ASXL1: variants seen among roughly 807,000 people sequenced by gnomAD.
The protein encoded by ASXL1 is polycomb group protein ASXL1.
ASXL1 carries 65 observed loss-of-function variants against 89.1 expected under a neutral mutation model. The observed-to-expected ratio is 0.73, with a 90% confidence interval of 0.60 to 0.90. The LOEUF is 0.90. Ranked by LOEUF, ASXL1 falls within the 40% of genes least tolerant of loss-of-function variation. The probability of loss-of-function intolerance (pLI) is 0.00; values close to 1 mark genes in which losing one functional copy is unlikely to be tolerated. For missense variants in ASXL1, 1,786 were observed against 1,942.9 expected, an observed-to-expected ratio of 0.92 and a Z score of 1.52; for synonymous variants, 739 against 746.9, an observed-to-expected ratio of 0.99 and a Z score of 0.17.
intron 4 of ASXL1, among the ~76,000 whole-genome samples, chr20:32,426,157 C>G (rs560223211): frequency 4.6e-5 from 7 of 152,142 alleles, no homozygotes; most frequent in Admixed American, 1.3e-4. Context: ...TTGTAAGAAT[C>G]AATATTTTTC....
intron 4 of ASXL1, among the ~76,000 whole-genome samples, chr20:32,397,419 A>ATTTT (rs2048788432): frequency 1.8e-5 from 1 of 55,588 alleles, no homozygotes; most frequent in African/African-American, 5.6e-5. Context: ...TTTTTTTTTG[A>ATTTT]GATGGAGTCT....
At chr20:32,372,057 G>A in intron 4 of ASXL1, 2 of 1,309,056 alleles carry the variant, frequency 1.5e-6, no homozygotes, top group Non-Finnish European at 2.0e-6. Context: ...CTTAAGGGCA[G>A]GAACTGAGTT....
intron 4 of ASXL1, among the ~76,000 whole-genome samples, chr20:32,403,258 A>G (rs1180329950): frequency 1.3e-5 from 2 of 152,178 alleles, no homozygotes; most frequent in African/African-American, 2.4e-5. Flanking sequence ...TGACCTACGC[A>G]TCTGTTCCTC....
At chr20:32,430,350 T>C (rs2011478834) in intron 8 of ASXL1, 2 of 345,956 alleles carry the variant, frequency 5.8e-6, no homozygotes, top group African/African-American at 4.2e-5. Flanking sequence ...GAAAACTGCT[T>C]CTGAGCTTCT....
Position 32,429,121 on chromosome 20 carries a change from A to C in ASXL1, c.472-217A>C. On this transcript the variant is annotated intron_variant, in intron 6 of 12. Transcript: ENST00000375687. The surrounding 1 kb of genome is among the most constrained non-coding windows in gnomAD (Gnocchi z 4.9). ...AAAATTCCTTACCTGTAAAATGGGG[A>C]TAACAGTACATTTTTGTAGCTTGGA... The C allele has an allele frequency of 1.7e-6, 1 of 577,834 alleles. No individual in the cohort carries two copies. The highest frequency in any genetic ancestry group is 1.9e-5 in the South Asian group (1 of 52,768). 35.8% of individuals were successfully genotyped at this position (577,834 alleles called of 1,614,324 possible).
At chr20:32,390,256 T>C (rs1289339894) in intron 4 of ASXL1, among the ~76,000 whole-genome samples, 1 of 152,222 alleles carries the variant, frequency 6.6e-6, no homozygotes, top group African/African-American at 2.4e-5. Context: ...AAACAATAGT[T>C]GTATGAGTAG....
chr20:32,377,972 C>CTGTGTGTG (rs112878923), intron 4 of ASXL1, among the ~76,000 whole-genome samples: 1,699 of 115,344 alleles, frequency 0.015, 62 homozygotes, highest in African/African-American at 0.051. Flanking sequence ...AGTTTTGACT[C>CTGTGTGTG]TGTGTGTGTG....
chr20:32,430,413 T>G (rs941000460), intron 8 of ASXL1: 11 of 274,886 alleles, frequency 4.0e-5, no homozygotes, highest in Non-Finnish European at 6.9e-5. Flanking sequence ...GTTGCCACAT[T>G]TGTTCCCAAC....
At chr20:32,378,716 T>C (rs909093083) in intron 4 of ASXL1, among the ~76,000 whole-genome samples, 1 of 152,152 alleles carries the variant, frequency 6.6e-6, no homozygotes, top group Non-Finnish European at 1.5e-5. Flanking sequence ...ACTTTCATGC[T>C]GAAATACTAT....
chr20:32,401,346 C>T (rs1224667524), intron 4 of ASXL1, among the ~76,000 whole-genome samples: 2 of 152,116 alleles, frequency 1.3e-5, no homozygotes, highest in Non-Finnish European at 2.9e-5. Context: ...CAGCCTCCAC[C>T]ACCAATCAAC....
chr20:32,359,407 T>C (rs1234018725), intron 1 of ASXL1: 2 of 702,304 alleles, frequency 2.8e-6, no homozygotes, highest in African/African-American at 3.5e-5. Context: ...TAGTGTCCTG[T>C]GGGCGACACC....
At chr20:32,405,734 A>G (rs922561599) in intron 4 of ASXL1, among the ~76,000 whole-genome samples, 11 of 152,098 alleles carry the variant, frequency 7.2e-5, no homozygotes, top group African/African-American at 2.7e-4. Flanking sequence ...TCATAATTGG[A>G]TTCAGGTTTT....
chr20:32,373,188 C>T (rs1030175952), intron 4 of ASXL1, among the ~76,000 whole-genome samples: 20 of 151,386 alleles, frequency 1.3e-4, no homozygotes, highest in Admixed American at 1.3e-4. Context: ...ACCAGCCTGG[C>T]CAACATGGCG....
chr20:32,431,715 G>A (rs753134684), intron 10 of ASXL1, 36 bp downstream of exon 10: 23 of 1,597,830 alleles, frequency 1.4e-5, no homozygotes, highest in East Asian at 2.2e-5. Context: ...GGCTTGCGAC[G>A]CACCTGTCGT....
At chr20:32,416,340 C>T (rs1322335724) in intron 4 of ASXL1, among the ~76,000 whole-genome samples, 3 of 152,260 alleles carry the variant, frequency 2.0e-5, no homozygotes, top group Non-Finnish European at 2.9e-5. Context: ...GAAGCTCAAG[C>T]GTTTGTACAG....
chr20:32,379,043 A>G lies in ASXL1; in HGVS notation c.252+9920A>G, dbSNP rs192182950. 2.0e-3 allele frequency among the ~76,000 whole-genome samples: 299 copies of G among 151,454 alleles called. 5 individuals carry two copies. The highest frequency in any genetic ancestry group is 0.016 in the South Asian group (77 of 4,800). On this transcript the variant is annotated intron_variant, in intron 4 of 12. Transcript: ENST00000375687. ...GCTACTCGGGAGGCTGAGGCAGGAG[A>G]ATCACTTGAACCCAGAGACAGAGTG...
chr20:32,365,726 GA>G (rs931994573), intron 1 of ASXL1, among the ~76,000 whole-genome samples: 1 of 152,186 alleles, frequency 6.6e-6, no homozygotes, highest in Non-Finnish European at 1.5e-5. Flanking sequence ...ACATAAATGG[GA>G]TATTCTGTTT....
chr20:32,433,483 G>GA lies in ASXL1; in HGVS notation c.1286dup (p.Ser430ValfsTer8). On this transcript the variant is annotated frameshift_variant, in exon 12 of 13. Transcript: ENST00000375687. LOFTEE classifies it high-confidence loss of function. ...CAGAAGGAATCTGTACAAAAAACAGGAGTCAGAACAAGCAGGGGTTGCTAA... is the reference window on the plus strand; with the variant it reads ...CAGAAGGAATCTGTACAAAAAACAGGAAGTCAGAACAAGCAGGGGTTGCTAA... 1 of 1,614,176 alleles carries GA rather than the reference G, an allele frequency of 6.2e-7. No individual in the cohort carries two copies. The highest frequency in any genetic ancestry group is 8.5e-7 in the Non-Finnish European group (1 of 1,180,032).
At chr20:32,359,957 C>T (rs1418951465) in intron 1 of ASXL1, 4 of 649,564 alleles carry the variant, frequency 6.2e-6, no homozygotes, top group South Asian at 5.2e-5. Context: ...TGTCTCTTGA[C>T]ACTGTAGTTT....
Sources: allele counts gnomAD v4.1 joint callset (sites outside exome capture counted in the v4.1 genomes callset), GRCh38; gene constraint gnomAD v4.1.1; non-coding constraint Gnocchi (gnomAD v3.1); transcripts MANE v1.5; gene names NCBI Gene and HGNC (gene_info 2026-07-23, HGNC 2026-07-21).